CALN1: variants seen among roughly 807,000 people sequenced by gnomAD.
The protein encoded by CALN1 is calneuron 1, also known as calcium-binding protein 8.
A neutral mutation model predicts 30.6 loss-of-function variants in CALN1; 17 were observed. The ratio of observed to expected loss-of-function variants is 0.56; its 90% CI spans 0.38 to 0.83. The LOEUF (loss-of-function observed/expected upper bound fraction) is 0.83, where lower values mean the gene tolerates loss of function less well. CALN1 is among the 40% of genes least tolerant of loss of function. CALN1 has a pLI of 0.00. For synonymous variants in CALN1, 156 were observed against 131.4 expected, an observed-to-expected ratio of 1.19 and a Z score of -1.28; for missense variants, 291 against 354.9, an observed-to-expected ratio of 0.82 and a Z score of 1.45.
At chr7:72,158,023 G>A (rs965328881) in intron 3 of CALN1, among the ~76,000 whole-genome samples, 1 of 152,178 alleles carries the variant, frequency 6.6e-6, no homozygotes, top group Admixed American at 6.5e-5. Context: ...GTGATTACAG[G>A]TGTGAGCCAC....
chr7:71,943,899 T>C (rs532497548), intron 5 of CALN1, among the ~76,000 whole-genome samples: 2 of 152,166 alleles, frequency 1.3e-5, no homozygotes, highest in Middle Eastern at 6.8e-3. Context: ...GGAGTGAGCA[T>C]GGAGATAAAG....
At chr7:72,229,904 A>G (rs1200476561) in intron 3 of CALN1, among the ~76,000 whole-genome samples, 2 of 151,964 alleles carry the variant, frequency 1.3e-5, no homozygotes, top group Non-Finnish European at 2.9e-5. Flanking sequence ...GCACTTTGGG[A>G]GGCTGAGCCG....
At chr7:72,363,703 G>A (rs11769084) in intron 2 of CALN1, among the ~76,000 whole-genome samples, 4,073 of 148,852 alleles carry the variant, frequency 0.027, 123 homozygotes, top group Non-Finnish European at 0.033. Context: ...CAGGCTACTT[G>A]CAACATATGG....
chr7:72,405,127 G>A (rs1806612299), intron 1 of CALN1, among the ~76,000 whole-genome samples: 1 of 152,190 alleles, frequency 6.6e-6, no homozygotes, highest in South Asian at 2.1e-4. Flanking sequence ...GATACGACAG[G>A]AAGGGTGTTA....
chr7:72,273,442 G>A (rs377651360), intron 3 of CALN1, among the ~76,000 whole-genome samples: 27 of 148,420 alleles, frequency 1.8e-4, no homozygotes, highest in South Asian at 1.3e-3. Flanking sequence ...AAAAAGCGGC[G>A]GGCGGGGGCG....
At chr7:72,042,905 A>G (rs535546758) in intron 4 of CALN1, among the ~76,000 whole-genome samples, 6 of 152,160 alleles carry the variant, frequency 3.9e-5, no homozygotes, top group African/African-American at 1.4e-4. Flanking sequence ...AACCTTGCAA[A>G]TGTGCCATCC....
chr7:71,974,754 C>T (rs767085499), intron 5 of CALN1, among the ~76,000 whole-genome samples: 7 of 152,184 alleles, frequency 4.6e-5, no homozygotes, highest in Non-Finnish European at 8.8e-5. Flanking sequence ...CCTGGCCCTG[C>T]TGTCAGTTGG....
At chr7:72,014,890 T>C (rs1241655664) in intron 5 of CALN1, among the ~76,000 whole-genome samples, 1 of 151,960 alleles carries the variant, frequency 6.6e-6, no homozygotes, top group Non-Finnish European at 1.5e-5. Flanking sequence ...CTCAAACTCC[T>C]GGGCTGAAGC....
chr7:71,790,867 G>A (rs533642787), intron 6 of CALN1, among the ~76,000 whole-genome samples: 1 of 151,832 alleles, frequency 6.6e-6, no homozygotes, highest in Non-Finnish European at 1.5e-5. Context: ...GACAGGAGGG[G>A]TGTGTGTGTG....
intron 2 of CALN1, among the ~76,000 whole-genome samples, chr7:72,283,528 CT>C (rs5884882): frequency 0.69 from 105,025 of 151,992 alleles, 36,859 homozygotes; most frequent in East Asian, 1. Context: ...GAGCAAGACT[CT>C]TGACTCTAAA....
intron 3 of CALN1, among the ~76,000 whole-genome samples, chr7:72,146,227 T>C (rs539413492): frequency 2.9e-4 from 44 of 152,238 alleles, no homozygotes; most frequent in African/African-American, 8.4e-4. Flanking sequence ...AAAACCCCAT[T>C]GTCTCAGCCC....
chr7:71,990,784 A>T (rs1022247040), intron 5 of CALN1, among the ~76,000 whole-genome samples: 2 of 152,064 alleles, frequency 1.3e-5, no homozygotes, highest in African/African-American at 4.8e-5. Context: ...ACGTTATTTT[A>T]CTTTGTTAAT....
intron 4 of CALN1, among the ~76,000 whole-genome samples, chr7:72,103,605 G>A (rs1230741212): frequency 6.6e-6 from 1 of 152,150 alleles, no homozygotes; most frequent in African/African-American, 2.4e-5. Context: ...AGAGAGTTGG[G>A]TAGAAAACAG....
At chr7:72,455,031 G>T in the CALN1 span, among the ~76,000 whole-genome samples, 2 of 151,990 alleles carry the variant, frequency 1.3e-5, no homozygotes, top group African/African-American at 4.8e-5. Context: ...GGGTTTCTCC[G>T]TGTTGGTCAG....
In CALN1 at chr7:71,841,130, T is replaced by C. The variant is rs184559880; in HGVS notation, c.502-30638A>G. On this transcript the variant is annotated intron_variant, in intron 5 of 6. Coordinates refer to ENST00000395275, the MANE Select transcript of CALN1 (RefSeq NM_031468.4). Reference sequence around the variant, plus strand: ...GTTGGAAGGACAAAAGGAAGTGCCATAGAATCCTAGGAGAGGAGATGAAGG... The same window carrying C: ...GTTGGAAGGACAAAAGGAAGTGCCACAGAATCCTAGGAGAGGAGATGAAGG... 1.1e-3 allele frequency among the ~76,000 whole-genome samples: 174 copies of C among 152,210 alleles called. 1 individual carries two copies. The highest frequency in any genetic ancestry group is 4.0e-3 in the African/African-American group (166 of 41,520).
At chr7:72,297,903 A>G (rs926239596) in intron 2 of CALN1, among the ~76,000 whole-genome samples, 3 of 152,224 alleles carry the variant, frequency 2.0e-5, no homozygotes. Context: ...AATGAGTCTG[A>G]AACTCCCTTG....
intron 2 of CALN1, among the ~76,000 whole-genome samples, chr7:72,305,886 G>GGA (rs1799612843): frequency 6.6e-6 from 1 of 152,100 alleles, no homozygotes; most frequent in African/African-American, 2.4e-5. Context: ...ACATGGTCGG[G>GGA]GAGAGACAGA....
intron 5 of CALN1, among the ~76,000 whole-genome samples, chr7:71,931,114 A>C (rs1415891241): frequency 6.6e-6 from 1 of 152,236 alleles, no homozygotes; most frequent in Non-Finnish European, 1.5e-5. Flanking sequence ...ATTAACAAAT[A>C]ATAATAGAGG....
intron 2 of CALN1, among the ~76,000 whole-genome samples, chr7:72,366,197 A>AG (rs370594636): frequency 5.5e-4 from 83 of 151,720 alleles, no homozygotes; most frequent in African/African-American, 2.0e-3. Context: ...TTTTTGAGAC[A>AG]GAGTCCCACT....
Sources: gnomAD v4.1 joint callset for allele counts (sites outside exome capture counted in the v4.1 genomes callset) on GRCh38, gnomAD v4.1.1 for gene constraint, MANE v1.5 for transcripts, NCBI Gene and HGNC (gene_info 2026-07-23, HGNC 2026-07-21) for gene names.